Variants in SLC4A5 observed in about 807,000 individuals in gnomAD.
SLC4A5 encodes electrogenic sodium bicarbonate cotransporter 4.
SLC4A5 carries 96 observed loss-of-function variants against 120.4 expected under a neutral mutation model. The observed-to-expected ratio is 0.80, with a 90% CI of 0.68 to 0.94. SLC4A5 has a LOEUF of 0.94. Among genes scored for constraint, SLC4A5 ranks in the 40% least tolerant of loss-of-function variants. The pLI, the probability that SLC4A5 is intolerant of heterozygous loss-of-function variation, is 0.00. For synonymous variants in SLC4A5, 550 were observed against 571.1 expected, an observed-to-expected ratio of 0.96 and a Z score of 0.53; for missense variants, 1,259 against 1,459.5, an observed-to-expected ratio of 0.86 and a Z score of 2.24.
intron 6 of SLC4A5, among the ~76,000 whole-genome samples, chr2:74,311,599 T>G (rs887539564): frequency 1.3e-5 from 2 of 152,222 alleles, no homozygotes; most frequent in Admixed American, 1.3e-4. Flanking sequence ...TCTCTAAATA[T>G]GTTGGGATTT....
chr2:74,336,468 C>T (rs1673494592), intron 3 of SLC4A5, among the ~76,000 whole-genome samples: 1 of 152,156 alleles, frequency 6.6e-6, no homozygotes, highest in East Asian at 1.9e-4. Flanking sequence ...AAGTGGTTTC[C>T]TCATCTGTAA....
At chr2:74,245,145 C>A (rs1670570314) in intron 19 of SLC4A5, among the ~76,000 whole-genome samples, 1 of 151,928 alleles carries the variant, frequency 6.6e-6, no homozygotes, top group Non-Finnish European at 1.5e-5. Flanking sequence ...ATGGTGAAAC[C>A]CTGTCTGTAC....
intron 11 of SLC4A5, among the ~76,000 whole-genome samples, chr2:74,259,865 T>C (rs1671080968): frequency 6.6e-6 from 1 of 152,118 alleles, no homozygotes; most frequent in African/African-American, 2.4e-5. Context: ...TGTTTCCTTC[T>C]CCCTCCTCAA....
chr2:74,258,051 T>A (rs1671024450), intron 12 of SLC4A5, among the ~76,000 whole-genome samples: 1 of 152,208 alleles, frequency 6.6e-6, no homozygotes, highest in South Asian at 2.1e-4. Flanking sequence ...TGGGCTTGTA[T>A]AACCAGGGCC....
At chr2:74,223,293 C>T (rs1040345518) in intron 28 of SLC4A5, among the ~76,000 whole-genome samples, 1 of 152,162 alleles carries the variant, frequency 6.6e-6, no homozygotes, top group African/African-American at 2.4e-5. Context: ...ATGTGAGCCA[C>T]CGCGCGTGGC....
intron 7 of SLC4A5, chr2:74,290,137 C>T: frequency 1.0e-6 from 1 of 985,626 alleles, no homozygotes; most frequent in Non-Finnish European, 1.2e-6. Flanking sequence ...AGTCTGGAAT[C>T]CCCTTTCCCC....
chr2:74,260,540 C>G (rs1345951915), intron 11 of SLC4A5, among the ~76,000 whole-genome samples: 1 of 152,160 alleles, frequency 6.6e-6, no homozygotes, highest in Admixed American at 6.5e-5. Context: ...AAATGCAACT[C>G]TTTACCTGCC....
At chr2:74,331,370 T>C (rs961495899) in intron 4 of SLC4A5, among the ~76,000 whole-genome samples, 2 of 151,692 alleles carry the variant, frequency 1.3e-5, no homozygotes, top group African/African-American at 2.4e-5. Flanking sequence ...TAGATGGTAG[T>C]GGTGAGGTGT....
chr2:74,315,133 A>G (rs1573095877), intron 5 of SLC4A5, 108 bp from the exon 6 acceptor site: 2 of 960,932 alleles, frequency 2.1e-6, no homozygotes, highest in East Asian at 5.0e-5. Flanking sequence ...TAATACAGAT[A>G]AAAAACTAAG....
intron 6 of SLC4A5, among the ~76,000 whole-genome samples, chr2:74,310,811 C>T (rs1299149082): frequency 6.6e-6 from 1 of 152,062 alleles, no homozygotes; most frequent in African/African-American, 2.4e-5. Context: ...ATGCTGACTT[C>T]ATGGGATTAG....
chr2:74,315,157 T>C, intron 5 of SLC4A5, 132 bp from the exon 6 acceptor site: 1 of 772,690 alleles, frequency 1.3e-6, no homozygotes. Context: ...AAAGGACATA[T>C]AACTGGGTGC....
chr2:74,233,409 T>C (rs750785771), exon 23 of SLC4A5: 2 of 1,614,206 alleles, frequency 1.2e-6, no homozygotes, highest in Non-Finnish European at 1.7e-6. Flanking sequence ...TACCTTCAGT[T>C]TGTTCTCCTT....
At chr2:74,236,705 A>C (rs1670279639) in intron 21 of SLC4A5, among the ~76,000 whole-genome samples, 1 of 152,176 alleles carries the variant, frequency 6.6e-6, no homozygotes, top group South Asian at 2.1e-4. Context: ...ATACATCAAA[A>C]CCATATGAAT....
At chr2:74,277,366 T>C (rs1259695662) in intron 8 of SLC4A5, among the ~76,000 whole-genome samples, 1 of 152,042 alleles carries the variant, frequency 6.6e-6, no homozygotes, top group African/African-American at 2.4e-5. Flanking sequence ...CCTGGCAACA[T>C]GGTGAGACTC....
chr2:74,231,754 TG>T (rs1366849665), intron 24 of SLC4A5, among the ~76,000 whole-genome samples: 4 of 152,184 alleles, frequency 2.6e-5, no homozygotes, highest in Non-Finnish European at 2.9e-5. Context: ...TGGGGCACAA[TG>T]AATGAGGATC....
intron 7 of SLC4A5, chr2:74,290,421 G>A: frequency 1.0e-6 from 1 of 985,530 alleles, no homozygotes; most frequent in Non-Finnish European, 1.2e-6. Context: ...GAAGAAGGGG[G>A]GTTTGAGGGG....
chr2:74,231,737 G>A (rs765787006), intron 24 of SLC4A5, among the ~76,000 whole-genome samples: 5 of 152,312 alleles, frequency 3.3e-5, no homozygotes, highest in Admixed American at 6.5e-5. Flanking sequence ...TTAAGATTTC[G>A]TTTTTGTGGG....
intron 9 of SLC4A5, 47 bp downstream of exon 9, chr2:74,265,057 G>A: frequency 6.3e-7 from 1 of 1,578,426 alleles, no homozygotes; most frequent in South Asian, 1.1e-5. Flanking sequence ...AGCTGCCCTG[G>A]TTTGCAGGGA....
chr2:74,306,291 T>A (rs1164020611), intron 6 of SLC4A5, among the ~76,000 whole-genome samples: 1 of 152,072 alleles, frequency 6.6e-6, no homozygotes, highest in Non-Finnish European at 1.5e-5. Flanking sequence ...TAACCTCCCC[T>A]CTGGCCAGAG....
Sources: gnomAD v4.1 joint callset for allele counts (sites outside exome capture counted in the v4.1 genomes callset) on GRCh38, gnomAD v4.1.1 for gene constraint, MANE v1.5 for transcripts, NCBI Gene and HGNC (gene_info 2026-07-23, HGNC 2026-07-21) for gene names.